CACNA1A: variants seen among roughly 807,000 people sequenced by gnomAD.
CACNA1A encodes the protein calcium voltage-gated channel subunit alpha1 A, also known as voltage-dependent P/Q-type calcium channel subunit alpha-1A.
CACNA1A carries 57 observed loss-of-function variants against 262.4 expected under a neutral mutation model. The ratio of observed to expected loss-of-function variants is 0.22; its 90% CI spans 0.18 to 0.27. The LOEUF (loss-of-function observed/expected upper bound fraction) is 0.27, where lower values mean the gene tolerates loss of function less well. Among genes scored for constraint, CACNA1A ranks in the 10% least tolerant of loss-of-function variants. CACNA1A has a pLI of 1.00. For synonymous variants in CACNA1A, 1,431 were observed against 1,419.3 expected (o/e 1.01, Z -0.18); for missense variants, 2,526 against 3,562.8 (o/e 0.71, Z 7.41).
At chr19:13,279,704 C>T (rs959779600) in intron 22 of CACNA1A, among the ~76,000 whole-genome samples, 7 of 152,174 alleles carry the variant, frequency 4.6e-5, no homozygotes, top group East Asian at 1.9e-4. Context: ...AGTCTGGTCT[C>T]GAACTCCTGA....
intron 10 of CACNA1A, among the ~76,000 whole-genome samples, chr19:13,317,542 T>G (rs570942720): frequency 9.2e-5 from 14 of 152,234 alleles, no homozygotes; most frequent in Non-Finnish European, 1.9e-4. Flanking sequence ...AAGTAACCAA[T>G]TGATGGGAAG....
intron 3 of CACNA1A, among the ~76,000 whole-genome samples, chr19:13,397,330 G>C (rs1450426185): frequency 1.3e-5 from 2 of 152,148 alleles, no homozygotes; most frequent in Non-Finnish European, 2.9e-5. Flanking sequence ...TCACCCCATT[G>C]TAAGGCAAAG....
intron 3 of CACNA1A, among the ~76,000 whole-genome samples, chr19:13,440,473 T>C (rs190095992): frequency 2.2e-3 from 335 of 152,378 alleles, no homozygotes; most frequent in Non-Finnish European, 3.0e-3. Flanking sequence ...AACTGGTCTA[T>C]GGAACTGGGC....
chr19:13,408,475 G>T (rs2060052155), intron 3 of CACNA1A, among the ~76,000 whole-genome samples: 1 of 152,214 alleles, frequency 6.6e-6, no homozygotes, highest in Non-Finnish European at 1.5e-5. Context: ...GAGATTCCAA[G>T]ATCTTCAAAG....
At chr19:13,399,464 G>C (rs2059863527) in intron 3 of CACNA1A, among the ~76,000 whole-genome samples, 1 of 151,570 alleles carries the variant, frequency 6.6e-6, no homozygotes, top group South Asian at 2.1e-4. Context: ...AGAGATGTAG[G>C]GCTTGGGAAA....
intron 6 of CACNA1A, among the ~76,000 whole-genome samples, chr19:13,340,272 C>T (rs564372142): frequency 7.9e-5 from 12 of 152,174 alleles, no homozygotes; most frequent in Admixed American, 7.2e-4. Context: ...GCTTGGGAAC[C>T]TCTGGCCACA....
chr19:13,308,551 A>C lies in CACNA1A; in HGVS notation c.1669-23T>G. ...AACCTAGGGCAGAGAACCTGGTCTC[A>C]TGTCCAGGGACAGTGTCTGGGCTCC... On this transcript the variant is annotated intron_variant, in intron 12 of 46. Transcript: ENST00000360228. This position sits in a 1 kb window ranked among gnomAD's most constrained non-coding sequence, Gnocchi z 4.2. 4.1e-6 allele frequency: 6 copies of C among 1,472,356 alleles called. No homozygotes were observed. Among genetic ancestry groups the C allele is most frequent in the Non-Finnish European group, 5.7e-6 (6 of 1,058,576 alleles). 91.2% of individuals were successfully genotyped at this position (1,472,356 alleles called of 1,614,324 possible). A position where few individuals can be genotyped will look rare whatever the true frequency, so the allele number is the denominator to read the frequency against.
At chr19:13,277,704 C>G (rs2057183937) in intron 22 of CACNA1A, 1 of 155,096 alleles carries the variant, frequency 6.4e-6, no homozygotes, top group Non-Finnish European at 1.4e-5. Flanking sequence ...GGCCCAGCCC[C>G]TGTCCAGGAC....
chr19:13,264,399 T>A (rs1356220733), intron 24 of CACNA1A, among the ~76,000 whole-genome samples: 1 of 152,196 alleles, frequency 6.6e-6, no homozygotes, highest in Non-Finnish European at 1.5e-5. Flanking sequence ...TTTTCTTCCA[T>A]GTTTTATGCA....
intron 10 of CACNA1A, among the ~76,000 whole-genome samples, chr19:13,322,094 C>T (rs965655778): frequency 2.7e-5 from 4 of 149,012 alleles, no homozygotes; most frequent in Non-Finnish European, 5.9e-5. Flanking sequence ...CCCAGCTACT[C>T]GGGAGGCTGA....
In CACNA1A at chr19:13,262,610, G is replaced by A. The variant is rs1018148554; in HGVS notation, c.4089+124C>T. 5.8e-5 allele frequency: 38 copies of A among 659,342 alleles called. No homozygotes were observed. In the South Asian group the frequency reaches 6.3e-4, roughly 11 times the overall value. 40.8% of individuals were successfully genotyped at this position (659,342 alleles called of 1,614,324 possible). ...TGTAATAATACAAATATCCATACACGATGGCTAGGATGTTATCAGCACCTC... is the reference window on the plus strand; with the variant it reads ...TGTAATAATACAAATATCCATACACAATGGCTAGGATGTTATCAGCACCTC... On this transcript the variant is annotated intron_variant, in intron 25 of 46. Coordinates refer to ENST00000360228, the MANE Select transcript of CACNA1A (RefSeq NM_001127222.2).
intron 3 of CACNA1A, chr19:13,452,671 T>C (rs925160739): frequency 2.7e-5 from 13 of 488,344 alleles, no homozygotes; most frequent in African/African-American, 2.3e-4. Context: ...AATGAGCTAT[T>C]ATTTTAATTG....
chr19:13,253,445 C>CA (rs759887885), intron 29 of CACNA1A, among the ~76,000 whole-genome samples: 1 of 94,230 alleles, frequency 1.1e-5, no homozygotes, highest in Non-Finnish European at 1.9e-5. Context: ...CTGAATTATA[C>CA]TTTTTTTTTT....
intron 35 of CACNA1A, among the ~76,000 whole-genome samples, chr19:13,230,994 TTTTTTTTG>T (rs1484930898): frequency 1.5e-5 from 2 of 132,278 alleles, no homozygotes; most frequent in African/African-American, 3.0e-5. Flanking sequence ...AATGTTTTTT[TTTTTTTTG>T]TTTGTTTTTG....
chr19:13,449,460 G>T (rs2060876907), intron 3 of CACNA1A, among the ~76,000 whole-genome samples: 1 of 152,028 alleles, frequency 6.6e-6, no homozygotes, highest in African/African-American at 2.4e-5. Context: ...ACCATGCCCA[G>T]CTGAATATTT....
In CACNA1A at chr19:13,478,204, T is replaced by C. The variant is rs781632600; in HGVS notation, c.294-22992A>G. 1.1e-4 allele frequency among the ~76,000 whole-genome samples: 17 copies of C among 152,188 alleles called. 1 individual carries two copies. Among genetic ancestry groups the C allele is most frequent in the Non-Finnish European group, 1.6e-4 (11 of 68,038 alleles). On this transcript the variant is annotated intron_variant, in intron 1 of 46. Coordinates refer to ENST00000360228, the MANE Select transcript of CACNA1A (RefSeq NM_001127222.2). ...CCACAAAATAAACATGTCATTGTGA[T>C]AAATGTTATGAAAGAAATGGGGTGA...
At chr19:13,497,581 A>T (rs1411880830) in intron 1 of CACNA1A, among the ~76,000 whole-genome samples, 8 of 71,104 alleles carry the variant, frequency 1.1e-4, no homozygotes, top group African/African-American at 3.3e-4. Context: ...TATATATATA[A>T]ATTTATGTTG....
rs1465133613 is a variant in CACNA1A at position 13,236,819 on chromosome 19, A to AG, written c.4951-1090dup. Among the ~76,000 whole-genome samples the AG allele has an allele frequency of 6.6e-6, 1 of 151,930 alleles. No homozygotes were observed. Among genetic ancestry groups the AG allele is most frequent in the East Asian group, 1.9e-4 (1 of 5,172 alleles). ...TCCTCCCACCCAAGCTAGAAGAACC[A>AG]GGGGGCCAGAGAGTTGGAGAGTCAG... On this transcript the variant is annotated intron_variant, in intron 31 of 46. Transcript: ENST00000360228. This position sits in a 1 kb window ranked among gnomAD's most constrained non-coding sequence, Gnocchi z 4.6.
At position 13,286,889 on chromosome 19, in the gene CACNA1A, C is replaced by T. The variant is rs200850308; in HGVS notation, c.3167G>A (p.Arg1056His). 157 of 1,613,250 alleles carry T rather than the reference C, an allele frequency of 9.7e-5. No individual in the cohort carries two copies. Among genetic ancestry groups the T allele is most frequent in the Admixed American group, 1.8e-4 (11 of 59,990 alleles). ...ATCCTCTGCCAGGGGTGGGTCTTGGCGGCCCAGGTCCTGCTGGATTGGCCG... is the reference window on the plus strand; with the variant it reads ...ATCCTCTGCCAGGGGTGGGTCTTGGTGGCCCAGGTCCTGCTGGATTGGCCG... ...TTRPIQQDLG[R>H]QDPPLAEDID... The change falls in exon 20 of 47, where the codon CGC (arginine) becomes CAC (histidine). Residue 1056 changes from arginine (R) to histidine (H), a missense_variant. Arg to His is a conservative substitution (Grantham distance 29, BLOSUM62 0). This residue lies in a region of CACNA1A where 765 missense variants were observed against 748.6 expected (regional missense o/e 1.02). Transcript: ENST00000360228.
Sources: allele counts gnomAD v4.1 joint callset (sites outside exome capture counted in the v4.1 genomes callset), GRCh38; gene constraint gnomAD v4.1.1; regional missense constraint gnomAD v4.1.1; non-coding constraint Gnocchi (gnomAD v3.1); transcripts MANE v1.5; gene names NCBI Gene and HGNC (gene_info 2026-07-23, HGNC 2026-07-21).